CTNND2: variants seen among roughly 807,000 people sequenced by gnomAD.
The protein encoded by CTNND2 is catenin delta 2.
CTNND2 carries 22 observed loss-of-function variants against 144.4 expected under a neutral mutation model. That is an observed-to-expected ratio of 0.15 (90% CI 0.11 to 0.22). The LOEUF is 0.22. CTNND2 is among the 10% of genes least tolerant of loss of function. CTNND2 has a pLI of 1.00. For missense variants in CTNND2, 1,353 were observed against 1,618.8 expected (o/e 0.84, Z 2.82); for synonymous variants, 751 against 695.6 (o/e 1.08, Z -1.25).
intron 1 of CTNND2, among the ~76,000 whole-genome samples, chr5:11,806,543 A>G (rs1263011798): frequency 1.3e-5 from 2 of 152,106 alleles, no homozygotes; most frequent in Non-Finnish European, 2.9e-5. Context: ...ACTGCCATTC[A>G]TTCATTTCCA....
At chr5:11,517,550 T>G (rs938478554) in intron 3 of CTNND2, among the ~76,000 whole-genome samples, 3 of 151,982 alleles carry the variant, frequency 2.0e-5, no homozygotes, top group African/African-American at 7.2e-5. Flanking sequence ...CACCGCAAAC[T>G]AATATATCCA....
chr5:10,997,668 T>G (rs1208294197), intron 18 of CTNND2, among the ~76,000 whole-genome samples: 3 of 152,180 alleles, frequency 2.0e-5, no homozygotes, highest in Non-Finnish European at 2.9e-5. Flanking sequence ...TAAATATGAC[T>G]GAATGGGGAC....
chr5:11,385,478 C>T (rs1758993118), intron 6 of CTNND2, among the ~76,000 whole-genome samples: 1 of 152,164 alleles, frequency 6.6e-6, no homozygotes, highest in South Asian at 2.1e-4. Context: ...ACAAATGAGA[C>T]CTGTGTTTGC....
chr5:11,482,940 A>G (rs1297798520), intron 3 of CTNND2, among the ~76,000 whole-genome samples: 1 of 152,038 alleles, frequency 6.6e-6, no homozygotes, highest in Non-Finnish European at 1.5e-5. Flanking sequence ...AGAAGACGGC[A>G]TGTGTGGAGC....
At chr5:11,594,060 T>C (rs1161050412) in intron 2 of CTNND2, among the ~76,000 whole-genome samples, 1 of 152,206 alleles carries the variant, frequency 6.6e-6, no homozygotes, top group African/African-American at 2.4e-5. Context: ...GCAATTCTAC[T>C]CGATAATGCC....
intron 2 of CTNND2, among the ~76,000 whole-genome samples, chr5:11,728,307 T>C (rs1350163696): frequency 2.8e-5 from 4 of 141,074 alleles, no homozygotes; most frequent in Non-Finnish European, 4.5e-5. Flanking sequence ...CTGTCTCTAC[T>C]GAAAAAAAAA....
At chr5:11,575,411 C>T (rs973486741) in intron 2 of CTNND2, among the ~76,000 whole-genome samples, 6 of 152,186 alleles carry the variant, frequency 3.9e-5, no homozygotes, top group African/African-American at 1.2e-4. Context: ...TATAGCACTT[C>T]CAATGCAGAA....
chr5:10,973,647 T>C lies in CTNND2; in HGVS notation c.3484A>G (p.Asn1162Asp). The C allele has an allele frequency of 1.2e-6, 2 of 1,614,106 alleles. No homozygotes were observed. Among genetic ancestry groups the C allele is most frequent in the Non-Finnish European group, 8.5e-7 (1 of 1,179,998 alleles). ...GACTCATCGTAATTTCTTGTGGAAT[T>C]CTGAAATGGCTGGTAGGTCTCGTAA... Reference protein sequence around the residue: ...KDYETYQPFQNSTRNYDESFF... With the variant: ...KDYETYQPFQDSTRNYDESFF... The change falls in exon 22 of 22, where the codon AAT becomes GAT. Residue 1162 changes from asparagine (N) to aspartate (D), a missense_variant. Coordinates refer to ENST00000304623, the MANE Select transcript of CTNND2 (RefSeq NM_001332.4). The surrounding 1 kb of genome is among the most constrained non-coding windows in gnomAD (Gnocchi z 5.6).
intron 1 of CTNND2, among the ~76,000 whole-genome samples, chr5:11,880,917 T>C (rs192615121): frequency 1.4e-5 from 2 of 146,974 alleles, no homozygotes; most frequent in Non-Finnish European, 3.0e-5. Flanking sequence ...CTACCACCAC[T>C]ACTACTACCA....
chr5:11,047,793 G>C (rs1745424321), intron 16 of CTNND2, among the ~76,000 whole-genome samples: 1 of 152,142 alleles, frequency 6.6e-6, no homozygotes, highest in Non-Finnish European at 1.5e-5. Context: ...TCTTGGGACT[G>C]GCCAACAGGA....
At chr5:11,035,464 C>T (rs555200675) in intron 16 of CTNND2, among the ~76,000 whole-genome samples, 1 of 152,282 alleles carries the variant, frequency 6.6e-6, no homozygotes, top group East Asian at 1.9e-4. Context: ...TTTTAAGGAC[C>T]TTTGTGATTA....
chr5:11,161,350 C>T (rs1359663670), intron 11 of CTNND2, among the ~76,000 whole-genome samples: 1 of 152,118 alleles, frequency 6.6e-6, no homozygotes, highest in African/African-American at 2.4e-5. Context: ...GCTTGTATTG[C>T]CATTAGTATC....
intron 11 of CTNND2, among the ~76,000 whole-genome samples, chr5:11,183,810 C>G (rs1485862429): frequency 6.6e-6 from 1 of 152,048 alleles, no homozygotes; most frequent in East Asian, 1.9e-4. Flanking sequence ...CCAATTGCCT[C>G]GGCCTCCCAA....
At chr5:11,622,762 T>C (rs145482187) in intron 2 of CTNND2, among the ~76,000 whole-genome samples, 29 of 152,260 alleles carry the variant, frequency 1.9e-4, no homozygotes, top group African/African-American at 6.3e-4. Flanking sequence ...TTATATCCTG[T>C]CTACTTCAAA....
At chr5:11,140,275 C>G (rs1414289644) in intron 12 of CTNND2, among the ~76,000 whole-genome samples, 3 of 152,110 alleles carry the variant, frequency 2.0e-5, no homozygotes, top group Non-Finnish European at 4.4e-5. Context: ...CTGTCCAGGG[C>G]AAAGGAACAG....
Position 11,457,234 on chromosome 5 carries a change from T to C in CTNND2, c.288-45165A>G, listed in dbSNP as rs188598246. The stretch of plus-strand genomic sequence containing the variant: ...CTGGGCAACATAGTGAGACCCTGTC[T>C]CTACACAATTTTTTTTTTAAGTTGC... On this transcript the variant is annotated intron_variant, in intron 3 of 21. Coordinates refer to ENST00000304623, the MANE Select transcript of CTNND2 (RefSeq NM_001332.4). Among the ~76,000 whole-genome samples the C allele has an allele frequency of 2.6e-5, 4 of 152,196 alleles. No individual in the cohort carries two copies. The East Asian group carries it at 5.8e-4, about 22-fold the overall frequency.
chr5:11,424,462 C>A (rs1213049820), intron 3 of CTNND2, among the ~76,000 whole-genome samples: 1 of 143,256 alleles, frequency 7.0e-6, no homozygotes, highest in Non-Finnish European at 1.5e-5. Context: ...AACACGCATA[C>A]ACACACACAT....
chr5:11,650,057 T>C (rs995127172), intron 2 of CTNND2, among the ~76,000 whole-genome samples: 3 of 152,146 alleles, frequency 2.0e-5, no homozygotes, highest in African/African-American at 7.2e-5. Context: ...TGATTTGAAT[T>C]TGTGTCCCCA....
At chr5:11,879,906 G>A (rs771448997) in intron 1 of CTNND2, among the ~76,000 whole-genome samples, 4 of 152,054 alleles carry the variant, frequency 2.6e-5, no homozygotes, top group Non-Finnish European at 4.4e-5. Context: ...TGGCCCACTC[G>A]GCCTGACGAA....
Sources: allele counts gnomAD v4.1 joint callset (sites outside exome capture counted in the v4.1 genomes callset), GRCh38; gene constraint gnomAD v4.1.1; non-coding constraint Gnocchi (gnomAD v3.1); transcripts MANE v1.5; gene names NCBI Gene and HGNC (gene_info 2026-07-23, HGNC 2026-07-21).